The following EPC1 variants were observed in gnomAD, a reference collection of about 807,000 sequenced individuals.
EPC1 encodes enhancer of polycomb 1.
EPC1 carries 12 observed loss-of-function variants against 98.4 expected under a neutral mutation model. That is an observed-to-expected ratio of 0.12 (90% confidence interval 0.08 to 0.20). EPC1 has a LOEUF of 0.20. EPC1 is among the 10% of genes least tolerant of loss of function. The probability of loss-of-function intolerance (pLI) is 1.00; values close to 1 mark genes in which losing one functional copy is unlikely to be tolerated. For missense variants in EPC1, 729 were observed against 990.5 expected, an observed-to-expected ratio of 0.74 and a Z score of 3.54; for synonymous variants, 357 against 363.9, an observed-to-expected ratio of 0.98 and a Z score of 0.21.
At chr10:32,289,582 A>G (rs945922200) in intron 6 of EPC1, among the ~76,000 whole-genome samples, 1 of 151,694 alleles carries the variant, frequency 6.6e-6, no homozygotes, top group Non-Finnish European at 1.5e-5. Flanking sequence ...AAATTTTCCC[A>G]TTCCTCAAAT....
In EPC1 at chr10:32,343,155, G is replaced by A. The variant is rs141060972; in HGVS notation, c.153+3608C>T. On this transcript the variant is annotated intron_variant, in intron 1 of 13. Transcript: ENST00000319778. ...AGTCTATTATTTCGCTGTGATTTAAGTCACATCTGTACTTCATTAAATACA... is the reference window on the plus strand; with the variant it reads ...AGTCTATTATTTCGCTGTGATTTAAATCACATCTGTACTTCATTAAATACA... Among the ~76,000 whole-genome samples the A allele has an allele frequency of 4.8e-4, 73 of 152,102 alleles. No homozygotes were observed. The East Asian group carries it at 0.011, about 23-fold the overall frequency.
intron 1 of EPC1, among the ~76,000 whole-genome samples, chr10:32,325,367 A>T (rs1226740968): frequency 6.6e-6 from 1 of 152,232 alleles, no homozygotes; most frequent in African/African-American, 2.4e-5. Flanking sequence ...GAGATAACTC[A>T]CTGGATCATT....
chr10:32,342,680 T>A (rs1838442286), intron 1 of EPC1, among the ~76,000 whole-genome samples: 1 of 151,960 alleles, frequency 6.6e-6, no homozygotes, highest in African/African-American at 2.4e-5. Context: ...ACACCAAATC[T>A]CCTCCCCAAA....
At chr10:32,316,340 A>G (rs1465410448) in intron 1 of EPC1, among the ~76,000 whole-genome samples, 2 of 152,214 alleles carry the variant, frequency 1.3e-5, no homozygotes, top group Admixed American at 6.5e-5. Flanking sequence ...AGAGAAAGGA[A>G]AACACAAGTC....
intron 11 of EPC1, 28 bp from the exon 12 acceptor site, chr10:32,272,195 A>T (rs746827331): frequency 6.3e-7 from 1 of 1,581,126 alleles, no homozygotes; most frequent in Non-Finnish European, 8.6e-7. Flanking sequence ...AAGAAATCTA[A>T]TCAGTATCAC....
intron 1 of EPC1, among the ~76,000 whole-genome samples, chr10:32,320,201 T>C (rs1013620637): frequency 6.6e-6 from 1 of 152,064 alleles, no homozygotes; most frequent in Non-Finnish European, 1.5e-5. Flanking sequence ...GTTTTTTTTT[T>C]TTAAATAAAG....
intron 1 of EPC1, among the ~76,000 whole-genome samples, chr10:32,371,861 C>G (rs570321872): frequency 1.3e-5 from 2 of 152,182 alleles, no homozygotes; most frequent in South Asian, 4.2e-4. Context: ...CAAGATCGAG[C>G]CACTGCACTT....
chr10:32,289,262 A>G (rs1247186676), intron 6 of EPC1, among the ~76,000 whole-genome samples: 1 of 152,188 alleles, frequency 6.6e-6, no homozygotes, highest in Admixed American at 6.5e-5. Context: ...CAGATCATTG[A>G]AGAGAATAAC....
chr10:32,362,347 AG>A (rs563683886), intron 1 of EPC1, among the ~76,000 whole-genome samples: 194 of 152,112 alleles, frequency 1.3e-3, no homozygotes, highest in South Asian at 6.3e-3. Context: ...TGCTTGGATC[AG>A]GGGGTGGATT....
At chr10:32,374,025 A>G (rs1033248133) in intron 1 of EPC1, among the ~76,000 whole-genome samples, 2 of 152,200 alleles carry the variant, frequency 1.3e-5, no homozygotes, top group African/African-American at 4.8e-5. Flanking sequence ...ATCTTAACCC[A>G]CATAGAGATT....
Position 32,286,979 on chromosome 10 carries a change from C to T in EPC1, c.1189G>A (p.Asp397Asn). 1 of 1,614,132 alleles carries T rather than the reference C, an allele frequency of 6.2e-7. No individual in the cohort carries two copies. The highest frequency in any genetic ancestry group is 8.5e-7 in the Non-Finnish European group (1 of 1,180,022). ...CGGAAAGCAAAAGGACCATCAGGAT[C>T]ATTGTCTTCCTCAGCTTCCGAAGAG... ...SGSSEAEEDN[D>N]PDGPFAFRRK... Residue 397 changes from aspartate (D) to asparagine (N), a missense_variant, in exon 8 of 14, where the codon GAT (aspartate) becomes AAT (asparagine). Around this residue, in one of 6 missense-constraint regions of EPC1, gnomAD observed 390 missense variants for 438.6 expected, o/e 0.89. Transcript: ENST00000319778.
intron 10 of EPC1, among the ~76,000 whole-genome samples, chr10:32,276,330 G>A (rs1372434019): frequency 6.6e-6 from 1 of 152,122 alleles, no homozygotes; most frequent in Non-Finnish European, 1.5e-5. Context: ...GACCAACATG[G>A]TGAAACCCCG....
chr10:32,330,153 T>C (rs1837555962), intron 1 of EPC1, among the ~76,000 whole-genome samples: 1 of 152,200 alleles, frequency 6.6e-6, no homozygotes, highest in African/African-American at 2.4e-5. Context: ...ATTTCCTTTT[T>C]CAAAGGGCCA....
At chr10:32,339,181 A>G (rs1317065852) in intron 1 of EPC1, among the ~76,000 whole-genome samples, 1 of 152,190 alleles carries the variant, frequency 6.6e-6, no homozygotes, top group Non-Finnish European at 1.5e-5. Context: ...TCAAGATTTA[A>G]TGACTATTCT....
chr10:32,366,239 T>C (rs1331110254), intron 1 of EPC1, among the ~76,000 whole-genome samples: 1 of 152,218 alleles, frequency 6.6e-6, no homozygotes, highest in Non-Finnish European at 1.5e-5. Flanking sequence ...GTTTTGTTTA[T>C]TGGGCCCCAC....
chr10:32,319,978 C>A (rs368235786), intron 1 of EPC1, among the ~76,000 whole-genome samples: 84 of 152,106 alleles, frequency 5.5e-4, no homozygotes, highest in African/African-American at 1.9e-3. Flanking sequence ...CGTGCCCAGC[C>A]GACATCCATG....
At chr10:32,296,099 G>T (rs1835142495) in intron 2 of EPC1, among the ~76,000 whole-genome samples, 1 of 145,732 alleles carries the variant, frequency 6.9e-6, no homozygotes, top group Non-Finnish European at 1.5e-5. Flanking sequence ...AATTTTCGTA[G>T]TTTTTTTTTT....
At chr10:32,334,530 T>A (rs1204831149) in intron 1 of EPC1, among the ~76,000 whole-genome samples, 1 of 151,694 alleles carries the variant, frequency 6.6e-6, no homozygotes, top group Admixed American at 6.6e-5. Context: ...GTGATGTCAA[T>A]GAAGTGACTT....
intron 1 of EPC1, among the ~76,000 whole-genome samples, chr10:32,343,930 TTAATCAGG>T (rs1335923412): frequency 6.6e-6 from 1 of 152,222 alleles, no homozygotes; most frequent in Non-Finnish European, 1.5e-5. Context: ...ATAAAATGCT[TTAATCAGG>T]TGGTGTATAA....
Sources: gnomAD v4.1 joint callset for allele counts (sites outside exome capture counted in the v4.1 genomes callset) on GRCh38, gnomAD v4.1.1 for gene constraint, gnomAD v4.1.1 regional missense constraint, MANE v1.5 for transcripts, NCBI Gene and HGNC (gene_info 2026-07-23, HGNC 2026-07-21) for gene names.